Variants in KCNJ6 observed in about 807,000 individuals in gnomAD.
KCNJ6 encodes potassium inwardly rectifying channel subfamily J member 6.
In KCNJ6, 9 loss-of-function variants were observed where a neutral mutation model predicts 34.2. The observed-to-expected ratio is 0.26, with a 90% CI of 0.16 to 0.46. The LOEUF (loss-of-function observed/expected upper bound fraction) is 0.46, where lower values mean the gene tolerates loss of function less well. Among genes scored for constraint, KCNJ6 ranks in the 20% least tolerant of loss-of-function variants. The pLI is 1.00. For missense variants in KCNJ6, 236 were observed against 531.3 expected (o/e 0.44, Z 5.46); for synonymous variants, 196 against 207.1 (o/e 0.95, Z 0.46).
At chr21:37,864,632 G>C (rs1437384364) in intron 1 of KCNJ6, among the ~76,000 whole-genome samples, 1 of 152,132 alleles carries the variant, frequency 6.6e-6, no homozygotes, top group East Asian at 1.9e-4. Context: ...GAGGTGGAGG[G>C]ACTCAGGCCC....
At chr21:37,775,438 T>C (rs1476619885) in intron 2 of KCNJ6, among the ~76,000 whole-genome samples, 6 of 152,238 alleles carry the variant, frequency 3.9e-5, no homozygotes, top group Non-Finnish European at 5.9e-5. Flanking sequence ...GCCTATGTCC[T>C]GAATGGTATT....
At chr21:37,865,394 A>G (rs144327339) in intron 1 of KCNJ6, among the ~76,000 whole-genome samples, 3 of 152,180 alleles carry the variant, frequency 2.0e-5, no homozygotes, top group South Asian at 4.1e-4. Flanking sequence ...GTGTCCCATC[A>G]TGTCCACCCC....
At chr21:37,655,219 GTGT>G in intron 3 of KCNJ6, among the ~76,000 whole-genome samples, 1 of 91,610 alleles carries the variant, frequency 1.1e-5, no homozygotes, top group South Asian at 4.0e-4. Flanking sequence ...GTGTGTGTGT[GTGT>G]GTGAGAGAGA....
At chr21:37,860,460 T>G (rs1332502259) in intron 1 of KCNJ6, among the ~76,000 whole-genome samples, 4 of 152,210 alleles carry the variant, frequency 2.6e-5, no homozygotes, top group Non-Finnish European at 4.4e-5. Flanking sequence ...GTTCCCTATA[T>G]GGCAGCCAGA....
intron 2 of KCNJ6, among the ~76,000 whole-genome samples, chr21:37,799,035 AC>A (rs1225081116): frequency 6.6e-6 from 1 of 152,076 alleles, no homozygotes; most frequent in Non-Finnish European, 1.5e-5. Context: ...TAAACATAGT[AC>A]CTATTGGTTA....
intron 2 of KCNJ6, among the ~76,000 whole-genome samples, chr21:37,753,249 CA>C (rs1178486988): frequency 6.6e-6 from 1 of 152,170 alleles, no homozygotes; most frequent in Non-Finnish European, 1.5e-5. Flanking sequence ...ACCTGTCAAA[CA>C]ACCCGAGTGA....
At chr21:37,815,134 G>C (rs1007335755) in intron 2 of KCNJ6, among the ~76,000 whole-genome samples, 3 of 151,986 alleles carry the variant, frequency 2.0e-5, no homozygotes, top group Admixed American at 6.6e-5. Flanking sequence ...TGGGAGGCTG[G>C]GGGGAGATGG....
intron 1 of KCNJ6, among the ~76,000 whole-genome samples, chr21:37,879,582 T>G (rs938280044): frequency 3.3e-5 from 5 of 151,948 alleles, no homozygotes; most frequent in Admixed American, 3.3e-4. Context: ...GAGGAAGGCC[T>G]ATTTGCCCAA....
At chr21:37,831,190 A>G (rs2055424213) in intron 2 of KCNJ6, among the ~76,000 whole-genome samples, 1 of 152,250 alleles carries the variant, frequency 6.6e-6, no homozygotes, top group African/African-American at 2.4e-5. Context: ...CCTTGAGTTT[A>G]AAAGATATTT....
At chr21:37,876,301 C>T (rs949015020) in intron 1 of KCNJ6, among the ~76,000 whole-genome samples, 12 of 152,220 alleles carry the variant, frequency 7.9e-5, no homozygotes, top group Non-Finnish European at 2.9e-5. Flanking sequence ...AGCTAACTGA[C>T]GGTTTCAGGG....
chr21:37,847,686 A>C (rs1316051518), intron 1 of KCNJ6, among the ~76,000 whole-genome samples: 1 of 151,382 alleles, frequency 6.6e-6, no homozygotes, highest in South Asian at 2.1e-4. Flanking sequence ...AAAACACCAG[A>C]AGGGTTCTAC....
intron 1 of KCNJ6, among the ~76,000 whole-genome samples, chr21:37,852,067 G>A (rs2055540572): frequency 6.6e-6 from 1 of 152,188 alleles, no homozygotes; most frequent in East Asian, 1.9e-4. Flanking sequence ...AATAACCTCT[G>A]TAGCCAAACA....
chr21:37,865,999 T>C (rs2055620846), intron 1 of KCNJ6, among the ~76,000 whole-genome samples: 1 of 152,232 alleles, frequency 6.6e-6, no homozygotes. Context: ...GGAAACTTCT[T>C]AGACTACTAA....
At chr21:37,907,457 C>T (rs1273068996) in intron 1 of KCNJ6, among the ~76,000 whole-genome samples, 3 of 152,156 alleles carry the variant, frequency 2.0e-5, no homozygotes. Context: ...CTCTCATAGC[C>T]ATTAGAAGTG....
chr21:37,780,229 G>A (rs2055162727), intron 2 of KCNJ6, among the ~76,000 whole-genome samples: 1 of 152,194 alleles, frequency 6.6e-6, no homozygotes, highest in Non-Finnish European at 1.5e-5. Flanking sequence ...TACATACTGT[G>A]TGATTCCAAC....
intron 3 of KCNJ6, among the ~76,000 whole-genome samples, chr21:37,706,501 G>A (rs1192266752): frequency 1.3e-5 from 2 of 152,172 alleles, no homozygotes; most frequent in African/African-American, 4.8e-5. Context: ...ACTTAAGAAC[G>A]GTGTGTCCTA....
chr21:37,658,283 A>G (rs2054473128), intron 3 of KCNJ6, among the ~76,000 whole-genome samples: 1 of 152,244 alleles, frequency 6.6e-6, no homozygotes, highest in Non-Finnish European at 1.5e-5. Context: ...GTCCCTGAAG[A>G]CGAGCATGAC....
In KCNJ6 at chr21:37,612,032, A is replaced by G. The variant is rs939673696; in HGVS notation, c.*13127T>C. 9 of 152,210 alleles carry G rather than the reference A, an allele frequency of 5.9e-5. No individual in the cohort carries two copies. Among genetic ancestry groups the G allele is most frequent in the Non-Finnish European group, 1.2e-4 (8 of 68,030 alleles). The allele number at this position is 152,210 out of a possible 1,614,324, so 9.4% of individuals were successfully genotyped here. ...AAAATATATAGATTGGGAAGAAAGAAGAAATAAAACTTTGTCTTTGTTTAC... is the reference window on the plus strand; with the variant it reads ...AAAATATATAGATTGGGAAGAAAGAGGAAATAAAACTTTGTCTTTGTTTAC... On this transcript the variant is annotated 3_prime_UTR_variant, in exon 4 of 4. Coordinates refer to ENST00000609713, the MANE Select transcript of KCNJ6 (RefSeq NM_002240.5).
chr21:37,806,924 C>A (rs2835971), intron 2 of KCNJ6, among the ~76,000 whole-genome samples: 71,574 of 152,028 alleles, frequency 0.47, 17,620 homozygotes, highest in Middle Eastern at 0.53. Flanking sequence ...AGGCATATAA[C>A]ATTCTTACAG....
Sources: allele counts gnomAD v4.1 joint callset (sites outside exome capture counted in the v4.1 genomes callset), GRCh38; gene constraint gnomAD v4.1.1; transcripts MANE v1.5; gene names NCBI Gene and HGNC (gene_info 2026-07-23, HGNC 2026-07-21).